The following PTHLH variants were observed in gnomAD, a reference collection of about 807,000 sequenced individuals.
The protein encoded by PTHLH is parathyroid hormone-related protein.
In PTHLH, 5 loss-of-function variants were observed where a neutral mutation model predicts 18.6. The ratio of observed to expected loss-of-function variants is 0.27; its 90% confidence interval spans 0.14 to 0.56. The LOEUF (loss-of-function observed/expected upper bound fraction) is 0.56. Among genes scored for constraint, PTHLH ranks in the 20% least tolerant of loss-of-function variants. The pLI is 0.92. For synonymous variants in PTHLH, 90 were observed against 94.0 expected (o/e 0.96, Z 0.25); for missense variants, 207 against 223.9 (o/e 0.92, Z 0.48).
At position 27,970,084 on chromosome 12, in the gene PTHLH, T is replaced by A; in HGVS notation, c.-82A>T. The A allele has an allele frequency of 1.9e-6, 1 of 518,968 alleles. No homozygotes were observed. The highest frequency in any genetic ancestry group is 1.4e-5 in the South Asian group (1 of 71,590). The allele number at this position is 518,968 out of a possible 1,614,324, so 32.1% of individuals were successfully genotyped here. A position where few individuals can be genotyped will look rare whatever the true frequency, so the allele number is the denominator to read the frequency against. ...ATTCCACACACCCTGAGAACAAGTTTCAAGTGCGTGTGTCGTCGATCAGGA... is the reference window on the plus strand; with the variant it reads ...ATTCCACACACCCTGAGAACAAGTTACAAGTGCGTGTGTCGTCGATCAGGA... On this transcript the variant is annotated 5_prime_UTR_variant, in exon 3 of 6. Coordinates refer to ENST00000545234, the MANE Select transcript of PTHLH (RefSeq NM_198965.2).
In PTHLH at chr12:27,969,391, T is replaced by C; in HGVS notation, c.101+3A>G. On this transcript the variant is annotated splice_donor_region_variant and intron_variant, in intron 4 of 5. Transcript: ENST00000545234. ...GGCGCCCTGGGGAGGATGGGGCACT[T>C]ACAGGCGGCGGCTGAGACCCTCCAC... The C allele has an allele frequency of 6.4e-7, 1 of 1,574,366 alleles. No individual in the cohort carries two copies. Among genetic ancestry groups the C allele is most frequent in the Non-Finnish European group, 8.6e-7 (1 of 1,163,584 alleles).
Position 27,969,485 on chromosome 12 carries a change from T to C in PTHLH, c.10A>G (p.Arg4Gly), listed in dbSNP as rs1197225983. Residue 4 changes from arginine to glycine, a missense_variant, in exon 4 of 6, where the codon AGA becomes GGA. By Grantham distance (125) the Arg-to-Gly change is moderately radical. Coordinates refer to ENST00000545234, the MANE Select transcript of PTHLH (RefSeq NM_198965.2). MQR[R>G]LVQQWSVAVF... is the part of the protein sequence containing the mutation. Reference sequence around the variant, plus strand: ...GCGACGCTCCACTGCTGAACCAGTCTCCGCTGCATCGTCTCCGCTCGCGCT... The same window carrying C: ...GCGACGCTCCACTGCTGAACCAGTCCCCGCTGCATCGTCTCCGCTCGCGCT... 1.9e-6 allele frequency: 3 copies of C among 1,582,500 alleles called. No individual in the cohort carries two copies. The highest frequency in any genetic ancestry group is 1.8e-5 in the Admixed American group (1 of 56,564).
chr12:27,964,226 C>T (rs542248347), intron 4 of PTHLH, among the ~76,000 whole-genome samples: 2 of 137,034 alleles, frequency 1.5e-5, no homozygotes, highest in African/African-American at 5.7e-5. Context: ...GCTGCTTTTA[C>T]CTGAGTATTC....
rs1262273102 is a variant in PTHLH, at chr12:27,972,717, A to G, written c.-553T>C. On this transcript the variant is annotated 5_prime_UTR_variant, in exon 1 of 6. Coordinates refer to ENST00000545234, the MANE Select transcript of PTHLH (RefSeq NM_198965.2). ...TTATTAGAAAGCAGGTACCTCTTCC[A>G]AGCTGCCCTGTTTATTACTTTCCGT... 6.6e-6 allele frequency: 1 copy of G among 152,200 alleles called. No individual in the cohort carries two copies. Among genetic ancestry groups the G allele is most frequent in the Non-Finnish European group, 1.5e-5 (1 of 68,034 alleles). 9.4% of individuals were successfully genotyped at this position (152,200 alleles called of 1,614,324 possible).
At position 27,966,054 on chromosome 12, in the gene PTHLH, T is replaced by A. The variant is rs572990836; in HGVS notation, c.102-2284A>T. Among the ~76,000 whole-genome samples the A allele has an allele frequency of 7.5e-4, 114 of 152,358 alleles. 2 individuals carry two copies. The highest frequency in any genetic ancestry group is 2.2e-3 in the African/African-American group (92 of 41,588). On this transcript the variant is annotated intron_variant, in intron 4 of 5. Coordinates refer to ENST00000545234, the MANE Select transcript of PTHLH (RefSeq NM_198965.2). Reference sequence around the variant, plus strand: ...TAGCTTAACTTGAGGCCAAAACTTTTAATGGTTGGTCTATTCTAATTAAGC... The same window carrying A: ...TAGCTTAACTTGAGGCCAAAACTTTAAATGGTTGGTCTATTCTAATTAAGC...
At chr12:27,962,413 G>C in intron 5 of PTHLH, 1 of 434,638 alleles carries the variant, frequency 2.3e-6, no homozygotes, top group Non-Finnish European at 3.1e-6. Flanking sequence ...TATGAGGTTG[G>C]TACAATTATA....
intron 4 of PTHLH, chr12:27,969,188 G>T (rs1026570702): frequency 1.3e-4 from 78 of 593,742 alleles, no homozygotes; most frequent in Non-Finnish European, 2.2e-4. Flanking sequence ...TCTCTCTCTT[G>T]CCTGTCTCCC....
chr12:27,962,509 G>A, intron 5 of PTHLH: 2 of 977,380 alleles, frequency 2.0e-6, no homozygotes, highest in Non-Finnish European at 2.4e-6. Context: ...CCCAAGACTT[G>A]GCCCTAAGTT....
At chr12:27,964,150 T>C (rs2062787174) in intron 4 of PTHLH, among the ~76,000 whole-genome samples, 1 of 152,140 alleles carries the variant, frequency 6.6e-6, no homozygotes, top group African/African-American at 2.4e-5. Context: ...GGAGTATCTC[T>C]TCACATTTTT....
At chr12:27,971,691 C>A (rs2590287) in intron 2 of PTHLH, among the ~76,000 whole-genome samples, 1 of 152,000 alleles carries the variant, frequency 6.6e-6, no homozygotes, top group South Asian at 2.1e-4. Context: ...GGCATATTTT[C>A]TTAGAAGCTC....
intron 4 of PTHLH, among the ~76,000 whole-genome samples, chr12:27,966,952 C>A (rs1187241311): frequency 6.6e-6 from 1 of 152,204 alleles, no homozygotes; most frequent in Non-Finnish European, 1.5e-5. Flanking sequence ...AGGACGGACT[C>A]TGTGTTTGAG....
At chr12:27,959,154 A>G (rs1248739986) in intron 5 of PTHLH, among the ~76,000 whole-genome samples, 1 of 152,166 alleles carries the variant, frequency 6.6e-6, no homozygotes, top group Admixed American at 6.5e-5. Flanking sequence ...TTAGTTGATG[A>G]TATGATATTT....
chr12:27,970,764 G>T (rs2062865180), intron 2 of PTHLH, among the ~76,000 whole-genome samples: 1 of 152,132 alleles, frequency 6.6e-6, no homozygotes, highest in South Asian at 2.1e-4. Flanking sequence ...CGGGCAACCG[G>T]GAGCCTGCGC....
At chr12:27,965,318 C>T (rs2062802659) in intron 4 of PTHLH, among the ~76,000 whole-genome samples, 1 of 152,216 alleles carries the variant, frequency 6.6e-6, no homozygotes, top group South Asian at 2.1e-4. Context: ...TGTGTTGAGG[C>T]AACACGGTAA....
chr12:27,967,913 T>C (rs2062830844), intron 4 of PTHLH, among the ~76,000 whole-genome samples: 1 of 152,238 alleles, frequency 6.6e-6, no homozygotes, highest in African/African-American at 2.4e-5. Context: ...AATCATTTGC[T>C]GTTTCTCAAA....
At chr12:27,962,139 T>G (rs2062767337) in intron 5 of PTHLH, 1 of 521,276 alleles carries the variant, frequency 1.9e-6, no homozygotes, top group Non-Finnish European at 3.3e-6. Flanking sequence ...CAAGGACTAC[T>G]CAGGTCTTTT....
chr12:27,966,562 T>C (rs2062815527), intron 4 of PTHLH, among the ~76,000 whole-genome samples: 1 of 152,234 alleles, frequency 6.6e-6, no homozygotes, highest in African/African-American at 2.4e-5. Context: ...AACTCTGAAA[T>C]ATTTAAGTTG....
Position 27,958,450 on chromosome 12 carries a change from T to A in PTHLH, c.*109A>T. The A allele has an allele frequency of 9.2e-7, 1 of 1,083,694 alleles. No individual in the cohort carries two copies. Among genetic ancestry groups the A allele is most frequent in the Non-Finnish European group, 1.3e-6 (1 of 780,874 alleles). 67.1% of individuals were successfully genotyped at this position (1,083,694 alleles called of 1,614,324 possible). A position where few individuals can be genotyped will look rare whatever the true frequency, so the allele number is the denominator to read the frequency against. ...TAGAGCAATGGGGGAGACAGTTTTA[T>A]TCCAATGCATTTACAGTATTTACAG... is the stretch of plus-strand genomic sequence containing the variant. On this transcript the variant is annotated 3_prime_UTR_variant, in exon 6 of 6. Coordinates refer to ENST00000545234, the MANE Select transcript of PTHLH (RefSeq NM_198965.2).
At chr12:27,967,431 G>T (rs2062824973) in intron 4 of PTHLH, among the ~76,000 whole-genome samples, 1 of 152,152 alleles carries the variant, frequency 6.6e-6, no homozygotes, top group Admixed American at 6.5e-5. Context: ...AATACTTGGT[G>T]TGAAAACCGG....
Sources: allele counts gnomAD v4.1 joint callset (sites outside exome capture counted in the v4.1 genomes callset), GRCh38; gene constraint gnomAD v4.1.1; transcripts MANE v1.5; gene names NCBI Gene and HGNC (gene_info 2026-07-23, HGNC 2026-07-21).